Variants in WDFY3 observed in about 807,000 individuals in gnomAD.
The protein encoded by WDFY3 is WD repeat and FYVE domain containing 3.
Under a neutral mutation model 409.6 loss-of-function variants are expected in WDFY3, and 66 were observed. The observed-to-expected ratio is 0.16, with a 90% CI of 0.13 to 0.20. WDFY3 has a LOEUF of 0.20. Among genes scored for constraint, WDFY3 ranks in the 10% least tolerant of loss-of-function variants. The pLI, the probability that WDFY3 is intolerant of heterozygous loss-of-function variation, is 1.00. For missense variants in WDFY3, 3,031 were observed against 4,298.1 expected, an observed-to-expected ratio of 0.71 and a Z score of 8.24; for synonymous variants, 1,521 against 1,537.1, an observed-to-expected ratio of 0.99 and a Z score of 0.25.
At chr4:84,955,407 C>G (rs1260297446) in intron 1 of WDFY3, among the ~76,000 whole-genome samples, 2 of 152,142 alleles carry the variant, frequency 1.3e-5, no homozygotes, top group Non-Finnish European at 2.9e-5. Context: ...ACAGGAAATG[C>G]AGGGAAGAAA....
intron 1 of WDFY3, among the ~76,000 whole-genome samples, chr4:84,937,958 G>A (rs561298901): frequency 2.6e-5 from 4 of 152,164 alleles, no homozygotes; most frequent in East Asian, 1.9e-4. Context: ...ATATACCTGT[G>A]ATAAAATTTA....
At chr4:84,787,906 A>C (rs1747832388) in intron 22 of WDFY3, among the ~76,000 whole-genome samples, 193 bp from the exon 23 acceptor site, 2 of 152,188 alleles carry the variant, frequency 1.3e-5, no homozygotes, top group African/African-American at 4.8e-5. Flanking sequence ...ATAGTAGCTA[A>C]AACTTTTATC....
At chr4:84,805,937 T>C (rs1578605124) in intron 15 of WDFY3, among the ~76,000 whole-genome samples, 2 of 152,316 alleles carry the variant, frequency 1.3e-5, no homozygotes, top group South Asian at 2.1e-4. Context: ...GAGTTTTAGT[T>C]TTCCAAATAT....
Position 84,682,482 on chromosome 4 carries a change from T to C in WDFY3, c.9727-12A>G. On this transcript the variant is annotated splice_polypyrimidine_tract_variant and intron_variant, in intron 63 of 67. Coordinates refer to ENST00000295888, the MANE Select transcript of WDFY3 (RefSeq NM_014991.6). ...TCCATTCTCCAAAACTAAATTTAAA[T>C]AAGTACAAAAATTAAAAAGTTAAGA... is the stretch of plus-strand genomic sequence containing the variant. 1 of 1,607,676 alleles carries C rather than the reference T, an allele frequency of 6.2e-7. No individual in the cohort carries two copies. Among genetic ancestry groups the C allele is most frequent in the Middle Eastern group, 1.9e-4 (1 of 5,220 alleles).
At chr4:84,723,005 C>T (rs1735085342) in intron 46 of WDFY3, among the ~76,000 whole-genome samples, 1 of 152,184 alleles carries the variant, frequency 6.6e-6, no homozygotes, top group Non-Finnish European at 1.5e-5. Context: ...GCATAATACC[C>T]TGTATATTTG....
intron 2 of WDFY3, among the ~76,000 whole-genome samples, chr4:84,931,069 G>A (rs1770703763): frequency 6.6e-6 from 1 of 152,000 alleles, no homozygotes; most frequent in East Asian, 1.9e-4. Flanking sequence ...TTTGTTACAG[G>A]CAAGTATGTA....
chr4:84,709,089 A>G lies in WDFY3; in HGVS notation c.8098-61T>C, dbSNP rs191981484. The G allele has an allele frequency of 1.1e-3, 1,723 of 1,585,506 alleles. 1 individual carries two copies. Among genetic ancestry groups the G allele is most frequent in the Non-Finnish European group, 1.4e-3 (1,598 of 1,164,136 alleles). ...ATTATTTCCACTATGTTCAGCTTTT[A>G]AAATTTTATATACAAAATGATGTAA... On this transcript the variant is annotated intron_variant, in intron 52 of 67. Transcript: ENST00000295888.
At chr4:84,753,973 G>C (rs1740978059) in intron 34 of WDFY3, 97 bp from the exon 35 acceptor site, 1 of 1,291,418 alleles carries the variant, frequency 7.7e-7, no homozygotes, top group African/African-American at 1.5e-5. Context: ...TATGAAACTG[G>C]ATATATTGAT....
At chr4:84,794,254 C>A (rs1748995774) in intron 21 of WDFY3, among the ~76,000 whole-genome samples, 2 of 152,116 alleles carry the variant, frequency 1.3e-5, no homozygotes, top group African/African-American at 4.8e-5. Flanking sequence ...AAACAAGCAA[C>A]CTGCTTTCCT....
chr4:84,775,281 A>T lies in WDFY3; in HGVS notation c.4519-143T>A, dbSNP rs150713239. On this transcript the variant is annotated intron_variant, in intron 27 of 67. Transcript: ENST00000295888. ...AAGTTCTATAAAACCACTTATATGC[A>T]GAAAAAAAATCATTATAAATTGGCC... 8,995 of 707,612 alleles carry T rather than the reference A, an allele frequency of 0.013. 93 individuals are homozygous for T. The highest frequency in any genetic ancestry group is 0.017 in the Non-Finnish European group (7,648 of 452,532). The allele number at this position is 707,612 out of a possible 1,614,324, so 43.8% of individuals were successfully genotyped here.
At chr4:84,773,761 C>A (rs1745076692) in intron 29 of WDFY3, among the ~76,000 whole-genome samples, 1 of 152,186 alleles carries the variant, frequency 6.6e-6, no homozygotes, top group Non-Finnish European at 1.5e-5. Flanking sequence ...ACCCTTGTCA[C>A]CCAGGCTGGA....
At chr4:84,896,164 G>C (rs980695698) in intron 3 of WDFY3, among the ~76,000 whole-genome samples, 1 of 152,052 alleles carries the variant, frequency 6.6e-6, no homozygotes, top group Non-Finnish European at 1.5e-5. Context: ...GCTGAGGCAG[G>C]AGAATCGCTT....
In WDFY3 at chr4:84,677,108, G is replaced by A. The variant is rs530360127; in HGVS notation, c.10457+91C>T. The A allele has an allele frequency of 2.3e-5, 34 of 1,484,016 alleles. No homozygotes were observed. The African/African-American group carries it at 3.2e-4, about 14-fold the overall frequency. The allele number at this position is 1,484,016 out of a possible 1,614,324, so 91.9% of individuals were successfully genotyped here. ...CAACAAGGCATACTGTAGTGGGGACGCCAGGGCAAATCAGAACCTGTGTGC... is the reference window on the plus strand; with the variant it reads ...CAACAAGGCATACTGTAGTGGGGACACCAGGGCAAATCAGAACCTGTGTGC... On this transcript the variant is annotated intron_variant, in intron 67 of 67. Coordinates refer to ENST00000295888, the MANE Select transcript of WDFY3 (RefSeq NM_014991.6).
Position 84,796,728 on chromosome 4 carries a change from C to T in WDFY3, c.2960G>A (p.Gly987Asp), listed in dbSNP as rs1486837337. The part of the protein sequence containing the change: ...MRSSMITSLE[G>D]LGTDNVFSLH... The stretch of plus-strand genomic sequence containing the variant: ...GCTAAAAACATTATCAGTACCCAGA[C>T]CTTCCAGAGATGTGATCATACTACC... Residue 987 changes from glycine (G) to aspartate (D), a missense_variant, in exon 19 of 68, where the codon GGT becomes GAT. Gly to Asp is a moderately conservative substitution (Grantham distance 94, BLOSUM62 -1). Coordinates refer to ENST00000295888, the MANE Select transcript of WDFY3 (RefSeq NM_014991.6). 2.5e-6 allele frequency: 4 copies of T among 1,613,542 alleles called. No homozygotes were observed. Among genetic ancestry groups the T allele is most frequent in the Non-Finnish European group, 2.5e-6 (3 of 1,179,762 alleles).
At chr4:84,763,220 G>C (rs937705080) in intron 32 of WDFY3, among the ~76,000 whole-genome samples, 1 of 152,116 alleles carries the variant, frequency 6.6e-6, no homozygotes, top group African/African-American at 2.4e-5. Context: ...ATGAGTTCAT[G>C]TCCTTTGCAG....
chr4:84,881,364 T>C (rs1273486102), intron 3 of WDFY3, among the ~76,000 whole-genome samples: 4 of 152,094 alleles, frequency 2.6e-5, no homozygotes, highest in East Asian at 3.9e-4. Flanking sequence ...AAATATACCA[T>C]AAAGATAAAC....
At chr4:84,709,950 G>A (rs945477666) in intron 51 of WDFY3, among the ~76,000 whole-genome samples, 3 of 152,168 alleles carry the variant, frequency 2.0e-5, no homozygotes, top group Non-Finnish European at 2.9e-5. Context: ...TCGACCTCCT[G>A]ACCTCAGGTG....
At chr4:84,860,032 T>C (rs1242664846) in intron 4 of WDFY3, among the ~76,000 whole-genome samples, 6 of 152,218 alleles carry the variant, frequency 3.9e-5, no homozygotes, top group Non-Finnish European at 8.8e-5. Flanking sequence ...TTTTAAAGTA[T>C]ACAAAGGGCT....
At chr4:84,915,250 T>C (rs1469543838) in intron 2 of WDFY3, among the ~76,000 whole-genome samples, 1 of 152,180 alleles carries the variant, frequency 6.6e-6, no homozygotes, top group Non-Finnish European at 1.5e-5. Flanking sequence ...AAATAGATAG[T>C]GGTGATGGTT....
Sources: gnomAD v4.1 joint callset for allele counts (sites outside exome capture counted in the v4.1 genomes callset) on GRCh38, gnomAD v4.1.1 for gene constraint, MANE v1.5 for transcripts, NCBI Gene and HGNC (gene_info 2026-07-23, HGNC 2026-07-21) for gene names.